MTF2: variants seen among roughly 807,000 people sequenced by gnomAD.
The protein encoded by MTF2 is metal response element binding transcription factor 2, also known as metal-response element-binding transcription factor 2.
Under a neutral mutation model 79.5 loss-of-function variants are expected in MTF2, and 11 were observed. That is an observed-to-expected ratio of 0.14 (90% CI 0.09 to 0.23). MTF2 has a LOEUF of 0.23. Among genes scored for constraint, MTF2 ranks in the 10% least tolerant of loss-of-function variants. The pLI, the probability that MTF2 is intolerant of heterozygous loss-of-function variation, is 1.00. For synonymous variants in MTF2, 208 were observed against 232.8 expected (o/e 0.89, Z 0.97); for missense variants, 486 against 711.2 (o/e 0.68, Z 3.60).
chr1:93,113,775 C>T (rs1285416220), intron 3 of MTF2, among the ~76,000 whole-genome samples: 1 of 152,048 alleles, frequency 6.6e-6, no homozygotes, highest in Non-Finnish European at 1.5e-5. Flanking sequence ...TTGTCTGAGC[C>T]TCAGTTCTTC....
intron 1 of MTF2, among the ~76,000 whole-genome samples, chr1:93,105,652 T>C (rs1188341816): frequency 6.6e-6 from 1 of 151,264 alleles, no homozygotes; most frequent in Non-Finnish European, 1.5e-5. Flanking sequence ...TGTGAATGAA[T>C]ATGTTGAATG....
Position 93,118,526 on chromosome 1 carries a change from A to G in MTF2, c.728+86A>G. On this transcript the variant is annotated intron_variant, in intron 7 of 14. Transcript: ENST00000370298. Reference sequence around the variant, plus strand: ...TTGTGATTTCAGATTTCCTAAAGATAGTTTCAACAGTGATTTGGAAAGGGG... The same window carrying G: ...TTGTGATTTCAGATTTCCTAAAGATGGTTTCAACAGTGATTTGGAAAGGGG... 3.5e-6 allele frequency: 3 copies of G among 851,574 alleles called. 1 individual carries two copies. Among genetic ancestry groups the G allele is most frequent in the Non-Finnish European group, 5.3e-6 (3 of 563,092 alleles). 52.8% of individuals were successfully genotyped at this position (851,574 alleles called of 1,614,324 possible). A position where few individuals can be genotyped will look rare whatever the true frequency, so the allele number is the denominator to read the frequency against.
chr1:93,079,513 A>G lies in MTF2; in HGVS notation c.-14A>G. The G allele has an allele frequency of 6.2e-7, 1 of 1,613,986 alleles. No homozygotes were observed. The highest frequency in any genetic ancestry group is 8.5e-7 in the Non-Finnish European group (1 of 1,180,008). On this transcript the variant is annotated 5_prime_UTR_variant, in exon 1 of 15. Coordinates refer to ENST00000370298, the MANE Select transcript of MTF2 (RefSeq NM_007358.4). ...TTTCCTGTATGAAGCGGTTGGCACC[A>G]CTGAAGTGACCGAATGAGGTGAGAG... is the stretch of plus-strand genomic sequence containing the variant.
intron 11 of MTF2, among the ~76,000 whole-genome samples, chr1:93,132,859 G>C (rs1012737308): frequency 1.3e-5 from 2 of 151,866 alleles, no homozygotes; most frequent in Non-Finnish European, 2.9e-5. Context: ...ATACACATTT[G>C]TCACTTTCTA....
chr1:93,107,803 C>T (rs1329735715), intron 1 of MTF2, among the ~76,000 whole-genome samples: 2 of 151,468 alleles, frequency 1.3e-5, no homozygotes, highest in Non-Finnish European at 2.9e-5. Context: ...TTTCTTTTGA[C>T]AGGTTCTCTC....
At chr1:93,119,638 T>G in intron 8 of MTF2, 1 of 397,058 alleles carries the variant, frequency 2.5e-6, no homozygotes, top group African/African-American at 2.1e-5. Context: ...CAGATATCCT[T>G]TAGACCTAAA....
chr1:93,120,562 C>T lies in MTF2; in HGVS notation c.811C>T (p.His271Tyr), dbSNP rs1571244469. ...TTCGGATTCCAGGGTAGATATAGCA[C>T]ACCTATGCCTTTACAACCTAAGTGT... ...RLPLQWVDIA[H>Y]LCLYNLSVIH... Residue 271 changes from histidine to tyrosine, a missense_variant, in exon 9 of 15, where the codon CAC (histidine) becomes TAC (tyrosine). This residue lies in a region of MTF2 where 177 missense variants were observed against 364.0 expected (regional missense o/e 0.49). Transcript: ENST00000370298. The T allele has an allele frequency of 6.3e-7, 1 of 1,599,404 alleles. No individual in the cohort carries two copies. The highest frequency in any genetic ancestry group is 8.5e-7 in the Non-Finnish European group (1 of 1,174,328).
At chr1:93,121,030 G>T in intron 9 of MTF2, 1 of 1,031,588 alleles carries the variant, frequency 9.7e-7, no homozygotes, top group Non-Finnish European at 1.2e-6. Context: ...TATAAACTTA[G>T]AGATATAACC....
intron 9 of MTF2, among the ~76,000 whole-genome samples, chr1:93,125,587 G>A (rs955196255): frequency 1.3e-5 from 2 of 151,826 alleles, no homozygotes; most frequent in African/African-American, 2.4e-5. Flanking sequence ...ATGAAAACAA[G>A]ATCAATTAAC....
At chr1:93,118,282 AAG>A in intron 6 of MTF2, 61 bp from the exon 7 acceptor site, 1 of 972,668 alleles carries the variant, frequency 1.0e-6, no homozygotes. Flanking sequence ...TTTTTTTTTA[AAG>A]AAATGAACCT....
At chr1:93,127,014 G>T (rs1656726220) in intron 9 of MTF2, among the ~76,000 whole-genome samples, 1 of 152,076 alleles carries the variant, frequency 6.6e-6, no homozygotes, top group Non-Finnish European at 1.5e-5. Context: ...ACTAGTGTAG[G>T]ATTTATACTT....
chr1:93,105,756 A>G (rs981515720), intron 1 of MTF2, among the ~76,000 whole-genome samples: 1 of 151,784 alleles, frequency 6.6e-6, no homozygotes, highest in South Asian at 2.1e-4. Flanking sequence ...GCTCACTGCA[A>G]CCTCCACCTC....
chr1:93,101,435 A>G (rs978955995), intron 1 of MTF2, among the ~76,000 whole-genome samples: 11 of 139,322 alleles, frequency 7.9e-5, no homozygotes, highest in Non-Finnish European at 1.2e-4. Context: ...GCTGGAGTGC[A>G]GTGGTGTGAT....
rs781525518 is a variant in MTF2 at position 93,104,102 on chromosome 1, C to CTTTTT, written c.6-6114_6-6110dup. ...CACAGGCGTATGCCACTACACCCAG[C>CTTTTT]TTTTTTTTTTTTTTTTTTGTAGAGA... On this transcript the variant is annotated intron_variant, in intron 1 of 14. Transcript: ENST00000370298. Among the ~76,000 whole-genome samples, 8 of 125,418 alleles carry CTTTTT rather than the reference C, an allele frequency of 6.4e-5. 1 individual carries two copies. Among genetic ancestry groups the CTTTTT allele is most frequent in the African/African-American group, 1.9e-4 (6 of 31,404 alleles). 82.3% of individuals were successfully genotyped at this position (125,418 alleles called of 152,430 possible).
At chr1:93,109,939 C>T (rs1231589196) in intron 1 of MTF2, among the ~76,000 whole-genome samples, 1 of 152,194 alleles carries the variant, frequency 6.6e-6, no homozygotes, top group Non-Finnish European at 1.5e-5. Flanking sequence ...GGCCTGCATA[C>T]CTCAACATAA....
Position 93,136,812 on chromosome 1 carries a change from G to A in MTF2, c.1567G>A (p.Glu523Lys). 1 of 1,614,174 alleles carries A rather than the reference G, an allele frequency of 6.2e-7. No individual in the cohort carries two copies. The highest frequency in any genetic ancestry group is 1.1e-5 in the South Asian group (1 of 91,080). ...SEIVKDDEGK[E>K]DYQFDELNTE... Reference sequence around the variant, plus strand: ...AATTGTAAAAGATGATGAAGGCAAAGAAGATTATCAGTTTGATGAACTCAA... The same window carrying A: ...AATTGTAAAAGATGATGAAGGCAAAAAAGATTATCAGTTTGATGAACTCAA... The change falls in exon 15 of 15, where the codon GAA (glutamate) becomes AAA (lysine). Residue 523 changes from glutamate to lysine, a missense_variant. Glu to Lys is a moderately conservative substitution (Grantham distance 56). Around this residue, in one of 4 missense-constraint regions of MTF2, gnomAD observed 209 missense variants for 206.5 expected, o/e 1.01. Transcript: ENST00000370298.
At chr1:93,116,593 T>A (rs1557554048) in intron 6 of MTF2, among the ~76,000 whole-genome samples, 1 of 150,532 alleles carries the variant, frequency 6.6e-6, no homozygotes. Context: ...AGCATTGAAC[T>A]GGGCTCAAGC....
intron 7 of MTF2, among the ~76,000 whole-genome samples, chr1:93,118,782 G>T (rs898928255): frequency 6.6e-6 from 1 of 152,182 alleles, no homozygotes; most frequent in African/African-American, 2.4e-5. Flanking sequence ...CTATACTTTA[G>T]ATATGAAAAA....
chr1:93,119,236 C>T (rs756722347), intron 7 of MTF2, 97 bp from the exon 8 acceptor site: 4 of 782,694 alleles, frequency 5.1e-6, no homozygotes, highest in Admixed American at 3.2e-5. Context: ...GTCTTTATAT[C>T]AGCTGTAGGT....
Sources: gnomAD v4.1 joint callset for allele counts (sites outside exome capture counted in the v4.1 genomes callset) on GRCh38, gnomAD v4.1.1 for gene constraint, gnomAD v4.1.1 regional missense constraint, MANE v1.5 for transcripts, NCBI Gene and HGNC (gene_info 2026-07-23, HGNC 2026-07-21) for gene names.